LRRC2: variants seen among roughly 807,000 people sequenced by gnomAD.
The protein encoded by LRRC2 is leucine rich repeat containing 2, also known as leucine-rich repeat-containing protein 2.
A neutral mutation model predicts 40.2 loss-of-function variants in LRRC2; 27 were observed. The observed-to-expected ratio is 0.67, with a 90% CI of 0.49 to 0.93. The LOEUF (loss-of-function observed/expected upper bound fraction) is 0.93, where lower values mean the gene tolerates loss of function less well. Ranked by LOEUF, LRRC2 falls within the 40% of genes least tolerant of loss-of-function variation. The pLI, the probability that LRRC2 is intolerant of heterozygous loss-of-function variation, is 0.00. For synonymous variants in LRRC2, 147 were observed against 158.9 expected (o/e 0.92, Z 0.56); for missense variants, 402 against 439.6 (o/e 0.91, Z 0.76).
intron 2 of LRRC2, among the ~76,000 whole-genome samples, chr3:46,548,536 T>C (rs1227877895): frequency 6.6e-6 from 1 of 151,376 alleles, no homozygotes; most frequent in Non-Finnish European, 1.5e-5. Flanking sequence ...ATGCCAAATA[T>C]GCAATAAACA....
intron 2 of LRRC2, 80 bp downstream of exon 2, chr3:46,551,387 C>T: frequency 6.6e-7 from 1 of 1,514,418 alleles, no homozygotes; most frequent in African/African-American, 1.4e-5. Flanking sequence ...GAAAAGCATC[C>T]TCCTCCACAA....
intron 7 of LRRC2, among the ~76,000 whole-genome samples, chr3:46,524,687 T>C (rs1704025079): frequency 6.6e-6 from 1 of 152,232 alleles, no homozygotes; most frequent in Non-Finnish European, 1.5e-5. Context: ...AGTGTATAAG[T>C]GTTAAAAGGG....
At chr3:46,555,257 G>C (rs1273597012) in intron 1 of LRRC2, among the ~76,000 whole-genome samples, 2 of 152,060 alleles carry the variant, frequency 1.3e-5, no homozygotes. Context: ...TAGTTGATGT[G>C]AGATTTTGTA....
At chr3:46,555,729 T>G (rs1298968032) in intron 1 of LRRC2, among the ~76,000 whole-genome samples, 1 of 152,210 alleles carries the variant, frequency 6.6e-6, no homozygotes, top group Non-Finnish European at 1.5e-5. Context: ...ATCATCAAAT[T>G]TAAAGAACTC....
intron 3 of LRRC2, among the ~76,000 whole-genome samples, chr3:46,544,842 A>C (rs759752444): frequency 7.2e-5 from 11 of 152,172 alleles, no homozygotes; most frequent in Non-Finnish European, 1.3e-4. Flanking sequence ...TGCCCAGGAG[A>C]GGGCACGTGC....
chr3:46,563,621 A>G (rs1163691095), intron 1 of LRRC2, among the ~76,000 whole-genome samples: 1 of 152,114 alleles, frequency 6.6e-6, no homozygotes, highest in Non-Finnish European at 1.5e-5. Context: ...TTTATTTCTC[A>G]GTCTACTGTT....
Position 46,544,917 on chromosome 3 carries a change from C to T in LRRC2, c.333+129G>A, listed in dbSNP as rs988202837. The T allele has an allele frequency of 7.8e-6, 7 of 897,884 alleles. 1 individual carries two copies. The highest frequency in any genetic ancestry group is 4.5e-5 in the South Asian group (3 of 66,302). 55.6% of individuals were successfully genotyped at this position (897,884 alleles called of 1,614,324 possible). A position where few individuals can be genotyped will look rare whatever the true frequency, so the allele number is the denominator to read the frequency against. ...CATCACTGCTTCCAGGACTGCGCTGCGTTTCACTGAGGAAGGGACAGAAGA... is the reference window on the plus strand; with the variant it reads ...CATCACTGCTTCCAGGACTGCGCTGTGTTTCACTGAGGAAGGGACAGAAGA... On this transcript the variant is annotated intron_variant, in intron 3 of 8. Coordinates refer to ENST00000395905, the MANE Select transcript of LRRC2 (RefSeq NM_024512.5).
chr3:46,518,371 T>A lies in LRRC2; in HGVS notation c.*643A>T. The stretch of plus-strand genomic sequence containing the variant: ...CCTTTATCTTTTTCTTTTCTTTTTT[T>A]TTTTTTTTGAGACAGAGTCTGGCTC... On this transcript the variant is annotated 3_prime_UTR_variant, in exon 9 of 9. Transcript: ENST00000395905. 6.6e-6 allele frequency: 1 copy of A among 151,360 alleles called. No homozygotes were observed. Among genetic ancestry groups the A allele is most frequent in the East Asian group, 1.9e-4 (1 of 5,194 alleles). The allele number at this position is 151,360 out of a possible 1,614,324, so 9.4% of individuals were successfully genotyped here.
At position 46,515,730 on chromosome 3, in the gene LRRC2, T is replaced by C. The variant is rs1429242047; in HGVS notation, c.*3284A>G. The C allele has an allele frequency of 6.6e-6, 1 of 152,168 alleles. No homozygotes were observed. The highest frequency in any genetic ancestry group is 2.4e-5 in the African/African-American group (1 of 41,440). 9.4% of individuals were successfully genotyped at this position (152,168 alleles called of 1,614,324 possible). A position where few individuals can be genotyped will look rare whatever the true frequency, so the allele number is the denominator to read the frequency against. ...TGATTTTATTAAAATAAAATTTACA[T>C]AAATTATGAACAGTCTATTTGTATG... On this transcript the variant is annotated 3_prime_UTR_variant, in exon 9 of 9. Coordinates refer to ENST00000395905, the MANE Select transcript of LRRC2 (RefSeq NM_024512.5).
Position 46,562,281 on chromosome 3 carries a change from A to G in LRRC2, c.-20+3896T>C, listed in dbSNP as rs1004341171. 6.6e-5 allele frequency among the ~76,000 whole-genome samples: 10 copies of G among 152,258 alleles called. No individual in the cohort carries two copies. The East Asian group carries it at 1.7e-3, about 26-fold the overall frequency. ...GAGGCCTCCTGTCAACAGCCATGAG[A>G]GGGGGCTGTCTTAAAAGCAGATCCT... On this transcript the variant is annotated intron_variant, in intron 1 of 8. Transcript: ENST00000395905.
At chr3:46,549,378 A>G (rs1704594112) in intron 2 of LRRC2, among the ~76,000 whole-genome samples, 1 of 152,220 alleles carries the variant, frequency 6.6e-6, no homozygotes, top group South Asian at 2.1e-4. Context: ...ACCTGTAAAG[A>G]AGGCAAATTT....
At chr3:46,537,012 C>G (rs1204388308) in intron 4 of LRRC2, among the ~76,000 whole-genome samples, 1 of 152,186 alleles carries the variant, frequency 6.6e-6, no homozygotes, top group Non-Finnish European at 1.5e-5. Context: ...TATCTTGCTG[C>G]CAACCACTGG....
At chr3:46,551,382 G>C (rs1311392396) in intron 2 of LRRC2, 85 bp downstream of exon 2, 12 of 1,494,112 alleles carry the variant, frequency 8.0e-6, no homozygotes, top group Non-Finnish European at 1.1e-5. Context: ...CAGAAGAAAA[G>C]CATCCTCCTC....
chr3:46,544,308 C>T (rs1243362937), intron 3 of LRRC2, among the ~76,000 whole-genome samples: 1 of 152,150 alleles, frequency 6.6e-6, no homozygotes. Flanking sequence ...CACCTGAGGT[C>T]AGGAGTTCGA....
chr3:46,545,776 C>A (rs1704512093), intron 2 of LRRC2, among the ~76,000 whole-genome samples: 1 of 152,184 alleles, frequency 6.6e-6, no homozygotes, highest in Non-Finnish European at 1.5e-5. Flanking sequence ...TCTGACCTAT[C>A]TTTTAGAGCT....
At chr3:46,531,235 T>C (rs564521199) in intron 5 of LRRC2, among the ~76,000 whole-genome samples, 1 of 151,216 alleles carries the variant, frequency 6.6e-6, no homozygotes, top group African/African-American at 2.4e-5. Context: ...CCACCTCCCA[T>C]GTTGCCTAGT....
At chr3:46,534,410 CT>C (rs1167133736) in intron 4 of LRRC2, among the ~76,000 whole-genome samples, 1 of 145,892 alleles carries the variant, frequency 6.9e-6, no homozygotes, top group African/African-American at 2.5e-5. Flanking sequence ...CTTTTCTTTT[CT>C]TTTCCTTCCT....
intron 4 of LRRC2, among the ~76,000 whole-genome samples, chr3:46,537,378 G>A (rs1704289966): frequency 6.6e-6 from 1 of 152,184 alleles, no homozygotes; most frequent in African/African-American, 2.4e-5. Context: ...GGGATTCCAG[G>A]CATGAGCCAC....
chr3:46,517,480 A>G lies in LRRC2; in HGVS notation c.*1534T>C, dbSNP rs1250723377. On this transcript the variant is annotated 3_prime_UTR_variant, in exon 9 of 9. Coordinates refer to ENST00000395905, the MANE Select transcript of LRRC2 (RefSeq NM_024512.5). Reference sequence around the variant, plus strand: ...GCTGGGACCACAGGCACATGCCACCACACCTGGCTAATTTTTTGAATTTTT... The same window carrying G: ...GCTGGGACCACAGGCACATGCCACCGCACCTGGCTAATTTTTTGAATTTTT... The G allele has an allele frequency of 6.6e-6, 1 of 151,812 alleles. No homozygotes were observed. The highest frequency in any genetic ancestry group is 1.5e-5 in the Non-Finnish European group (1 of 67,960). 9.4% of individuals were successfully genotyped at this position (151,812 alleles called of 1,614,324 possible). A position where few individuals can be genotyped will look rare whatever the true frequency, so the allele number is the denominator to read the frequency against.
Sources: allele counts gnomAD v4.1 joint callset (sites outside exome capture counted in the v4.1 genomes callset), GRCh38; gene constraint gnomAD v4.1.1; transcripts MANE v1.5; gene names NCBI Gene and HGNC (gene_info 2026-07-23, HGNC 2026-07-21).